The following TMEM164 variants were observed in gnomAD, a reference collection of about 807,000 sequenced individuals.
TMEM164 encodes the protein transmembrane protein 164.
TMEM164 carries 4 observed loss-of-function variants against 18.8 expected under a neutral mutation model. The observed-to-expected ratio is 0.21, with a 90% confidence interval of 0.10 to 0.49. The LOEUF (loss-of-function observed/expected upper bound fraction) is 0.49, where lower values mean the gene tolerates loss of function less well. TMEM164 is among the 20% of genes least tolerant of loss of function. TMEM164 has a pLI of 0.98. For synonymous variants in TMEM164, 86 were observed against 101.7 expected (o/e 0.85, Z 0.93); for missense variants, 108 against 239.9 (o/e 0.45, Z 3.63).
chrX:110,089,358 G>A (rs1190652108), intron 3 of TMEM164, among the ~76,000 whole-genome samples: 2 of 110,680 alleles, frequency 1.8e-5, no homozygotes, highest in African/African-American at 3.3e-5. Context: ...CACCACACCC[G>A]GCTAATTTTT....
At chrX:110,090,531 G>T (rs1274894981) in intron 3 of TMEM164, among the ~76,000 whole-genome samples, 1 of 110,187 alleles carries the variant, frequency 9.1e-6, no homozygotes, top group African/African-American at 3.3e-5. Context: ...TAACCAGGAT[G>T]GTCTTGATCT....
chrX:110,044,100 T>TC (rs1935208991), intron 2 of TMEM164, among the ~76,000 whole-genome samples: 1 of 111,672 alleles, frequency 9.0e-6, no homozygotes, highest in Admixed American at 9.4e-5. Flanking sequence ...TTTCCATTTC[T>TC]CCCCCCAGAG....
intron 2 of TMEM164, among the ~76,000 whole-genome samples, chrX:110,053,957 A>C (rs1935695762): frequency 1.8e-5 from 2 of 111,504 alleles, no homozygotes; most frequent in Admixed American, 1.9e-4. Context: ...GAGGACTTTT[A>C]TATGTCCGAT....
chrX:110,074,143 G>T (rs759882471), intron 3 of TMEM164, among the ~76,000 whole-genome samples: 10 of 111,221 alleles, frequency 9.0e-5, no homozygotes, highest in East Asian at 2.8e-4. Context: ...CTCCCAAAGT[G>T]GGGGGATTAC....
chrX:110,148,996 T>C (rs1356609666), intron 5 of TMEM164, among the ~76,000 whole-genome samples: 7 of 111,498 alleles, frequency 6.3e-5, no homozygotes, highest in Non-Finnish European at 3.8e-5. Flanking sequence ...TTTCTAAAAT[T>C]TAGTTCTTTG....
intron 2 of TMEM164, among the ~76,000 whole-genome samples, chrX:110,065,699 A>AT (rs1936309359): frequency 9.0e-6 from 1 of 111,702 alleles, no homozygotes; most frequent in Admixed American, 9.5e-5. Context: ...AGAAATCAGA[A>AT]TTTTTTTGGA....
intron 2 of TMEM164, among the ~76,000 whole-genome samples, chrX:110,012,617 C>G (rs917036222): frequency 1.2e-4 from 13 of 112,138 alleles, no homozygotes; most frequent in African/African-American, 4.2e-4. Context: ...TGCCACCCTA[C>G]ATGCTGACCC....
chrX:110,119,334 C>T (rs1021068978), intron 4 of TMEM164, among the ~76,000 whole-genome samples: 1 of 111,197 alleles, frequency 9.0e-6, no homozygotes, highest in Non-Finnish European at 1.9e-5. Flanking sequence ...TGGCTCCCAC[C>T]TGTAATCCCA....
chrX:110,067,425 G>A, intron 3 of TMEM164, 29 bp downstream of exon 3: 1 of 1,178,944 alleles, frequency 8.5e-7, no homozygotes, highest in Non-Finnish European at 1.2e-6. Flanking sequence ...TTGCTCTGTT[G>A]CTCTTCAGAG....
In TMEM164 at chrX:110,014,234, C is replaced by T. The variant is rs151120904; in HGVS notation, c.390+10070C>T. ...ATCATTCTCACTATGGCTGCTGCTT[C>T]GAGCCTGGGTGCCTGTTGTTGCAAT... On this transcript the variant is annotated intron_variant, in intron 2 of 6. Transcript: ENST00000372068. Among the ~76,000 whole-genome samples, 702 of 111,233 alleles carry T rather than the reference C, an allele frequency of 6.3e-3. 5 individuals carry two copies. Among genetic ancestry groups the T allele is most frequent in the African/African-American group, 0.021 (654 of 30,584 alleles).
chrX:110,053,733 G>A (rs1935683068), intron 2 of TMEM164, among the ~76,000 whole-genome samples: 1 of 111,615 alleles, frequency 9.0e-6, no homozygotes, highest in African/African-American at 3.3e-5. Context: ...GAGTTTCAAG[G>A]TAACCAGGTC....
chrX:110,173,191 C>G, intron 6 of TMEM164, 54 bp from the exon 7 acceptor site: 1 of 1,160,087 alleles, frequency 8.6e-7, no homozygotes, highest in Non-Finnish European at 1.2e-6. Context: ...CTGGCAGAAG[C>G]CAGAGAAAGC....
At chrX:110,041,452 G>A (rs1260158857) in intron 2 of TMEM164, among the ~76,000 whole-genome samples, 1 of 111,620 alleles carries the variant, frequency 9.0e-6, no homozygotes, top group African/African-American at 3.3e-5. Flanking sequence ...GTAGGACTCA[G>A]CTTACCTTCT....
intron 2 of TMEM164, among the ~76,000 whole-genome samples, chrX:110,018,997 T>A (rs1933643335): frequency 8.9e-6 from 1 of 111,919 alleles, no homozygotes; most frequent in South Asian, 3.7e-4. Flanking sequence ...CAGATATTGA[T>A]GTTATTTCCT....
At chrX:110,027,996 A>G (rs1318571500) in intron 2 of TMEM164, among the ~76,000 whole-genome samples, 2 of 111,730 alleles carry the variant, frequency 1.8e-5, no homozygotes, top group African/African-American at 6.5e-5. Flanking sequence ...CTATAAAACT[A>G]TCTGGGCTTT....
At chrX:110,045,157 G>A (rs780277811) in intron 2 of TMEM164, among the ~76,000 whole-genome samples, 10 of 111,685 alleles carry the variant, frequency 9.0e-5, no homozygotes, top group African/African-American at 3.3e-4. Context: ...CTGACTGAAC[G>A]CTTGCAGAGA....
chrX:110,123,937 C>A (rs1236524110), intron 4 of TMEM164, among the ~76,000 whole-genome samples: 1 of 111,440 alleles, frequency 9.0e-6, no homozygotes, highest in Non-Finnish European at 1.9e-5. Flanking sequence ...CATAGTGAGA[C>A]CGGTCTCTAC....
At chrX:110,120,016 C>T (rs892296254) in intron 4 of TMEM164, among the ~76,000 whole-genome samples, 3 of 112,275 alleles carry the variant, frequency 2.7e-5, no homozygotes, top group African/African-American at 9.7e-5. Context: ...TCAGTGACAG[C>T]CTGTTTGATT....
At position 110,017,405 on chromosome X, in the gene TMEM164, C is replaced by CCTTCCTTCCTTTCTTTCTTTCTTTCTTT. The variant is rs1555984533; in HGVS notation, c.390+13244_390+13245insCCTTCCTTTCTTTCTTTCTTTCTTTCTT. Among the ~76,000 whole-genome samples, 19 of 15,288 alleles carry CCTTCCTTCCTTTCTTTCTTTCTTTCTTT rather than the reference C, an allele frequency of 1.2e-3. 1 individual carries two copies. Among genetic ancestry groups the CCTTCCTTCCTTTCTTTCTTTCTTTCTTT allele is most frequent in the African/African-American group, 2.1e-3 (19 of 8,977 alleles). 13.3% of individuals were successfully genotyped at this position (15,288 alleles called of 115,157 possible). A position where few individuals can be genotyped will look rare whatever the true frequency, so the allele number is the denominator to read the frequency against. On this transcript the variant is annotated intron_variant, in intron 2 of 6. Coordinates refer to ENST00000372068, the MANE Select transcript of TMEM164 (RefSeq NM_032227.4). The stretch of plus-strand genomic sequence containing the variant: ...TCTCCTGGCTGCAGGCCACCTCCTT[C>CCTTCCTTCCTTTCTTTCTTTCTTTCTTT]CTTTCTTTCTTTCTTTCTTTCTTTC...
Sources: gnomAD v4.1 joint callset for allele counts (sites outside exome capture counted in the v4.1 genomes callset) on GRCh38, gnomAD v4.1.1 for gene constraint, MANE v1.5 for transcripts, NCBI Gene and HGNC (gene_info 2026-07-23, HGNC 2026-07-21) for gene names.